Variants in ROCK1 observed in about 807,000 individuals in gnomAD.
ROCK1 encodes the protein rho-associated protein kinase 1.
In ROCK1, 36 loss-of-function variants were observed where a neutral mutation model predicts 196.8. That is an observed-to-expected ratio of 0.18 (90% CI 0.14 to 0.24). The LOEUF (loss-of-function observed/expected upper bound fraction) is 0.24, where lower values mean the gene tolerates loss of function less well. Among genes scored for constraint, ROCK1 ranks in the 10% least tolerant of loss-of-function variants. ROCK1 has a pLI of 1.00. For missense variants in ROCK1, 920 were observed against 1,562.0 expected (o/e 0.59, Z 6.93); for synonymous variants, 443 against 515.9 (o/e 0.86, Z 1.91).
At chr18:21,093,770 T>C (rs956120375) in intron 1 of ROCK1, among the ~76,000 whole-genome samples, 1 of 151,916 alleles carries the variant, frequency 6.6e-6, no homozygotes, top group Non-Finnish European at 1.5e-5. Flanking sequence ...TCCTGGCTAA[T>C]ATGGTGAAAC....
At chr18:21,108,916 C>A (rs1385060810) in intron 1 of ROCK1, among the ~76,000 whole-genome samples, 1 of 152,142 alleles carries the variant, frequency 6.6e-6, no homozygotes, top group Non-Finnish European at 1.5e-5. Flanking sequence ...CCAATCAAAT[C>A]CTCCACAATC....
At chr18:21,067,259 T>A (rs2036342643) in intron 2 of ROCK1, among the ~76,000 whole-genome samples, 1 of 152,214 alleles carries the variant, frequency 6.6e-6, no homozygotes, top group Non-Finnish European at 1.5e-5. Flanking sequence ...TTCCTACTTT[T>A]AAACTGAACT....
chr18:20,983,054 C>T (rs2035547474), intron 20 of ROCK1, among the ~76,000 whole-genome samples: 1 of 151,786 alleles, frequency 6.6e-6, no homozygotes, highest in South Asian at 2.1e-4. Flanking sequence ...GTAGTGAGAA[C>T]CCTTTTCTAC....
chr18:20,967,185 T>C, intron 26 of ROCK1, 109 bp from the exon 27 acceptor site: 1 of 718,914 alleles, frequency 1.4e-6, no homozygotes, highest in Non-Finnish European at 2.3e-6. Context: ...TACAGTAAAC[T>C]TCATGAATGT....
intron 1 of ROCK1, among the ~76,000 whole-genome samples, chr18:21,097,119 A>C (rs1370146988): frequency 2.0e-5 from 3 of 152,214 alleles, no homozygotes; most frequent in Non-Finnish European, 2.9e-5. Flanking sequence ...AATCCAGTAG[A>C]GCGCAGTCTA....
intron 27 of ROCK1, among the ~76,000 whole-genome samples, chr18:20,966,085 T>C (rs2035371701): frequency 1.3e-5 from 2 of 152,098 alleles, no homozygotes; most frequent in South Asian, 4.1e-4. Flanking sequence ...ATACACTAAT[T>C]AAAATCTATT....
intron 2 of ROCK1, among the ~76,000 whole-genome samples, chr18:21,063,552 A>G (rs567409410): frequency 6.6e-6 from 1 of 152,298 alleles, no homozygotes; most frequent in Admixed American, 6.5e-5. Flanking sequence ...GTAAGGAAAC[A>G]AGGAGGAGAG....
chr18:21,006,456 T>C lies in ROCK1; in HGVS notation c.1780A>G (p.Asn594Asp). ...TCTTTGTCTGTTTGTGACTTAGAAT[T>C]CTCTAAAATTCGATTTCTCTCTTGC... Reference protein sequence around the residue: ...ELQERNRILENSKSQTDKDYY... With the variant: ...ELQERNRILEDSKSQTDKDYY... Residue 594 changes from asparagine to aspartate, a missense_variant, in exon 16 of 33, where the codon AAT (asparagine) becomes GAT (aspartate). This residue lies in a region of ROCK1 where 520 missense variants were observed against 657.1 expected (regional missense o/e 0.79). Coordinates refer to ENST00000399799, the MANE Select transcript of ROCK1 (RefSeq NM_005406.3). 6.2e-7 allele frequency: 1 copy of C among 1,613,744 alleles called. No homozygotes were observed. The highest frequency in any genetic ancestry group is 8.5e-7 in the Non-Finnish European group (1 of 1,179,924).
intron 16 of ROCK1, 82 bp downstream of exon 16, chr18:21,006,269 G>T: frequency 9.5e-7 from 1 of 1,055,480 alleles, no homozygotes; most frequent in Admixed American, 2.4e-5. Context: ...TAATCCCACT[G>T]AACTGTATAT....
intron 9 of ROCK1, among the ~76,000 whole-genome samples, chr18:21,035,576 A>C (rs1006083428): frequency 3.3e-5 from 5 of 152,232 alleles, no homozygotes; most frequent in African/African-American, 1.2e-4. Context: ...GGGATATTAC[A>C]GAATATCCAT....
intron 14 of ROCK1, among the ~76,000 whole-genome samples, chr18:21,007,355 A>T (rs1467990953): frequency 2.0e-5 from 3 of 152,150 alleles, no homozygotes; most frequent in Non-Finnish European, 4.4e-5. Context: ...AACCGTATTT[A>T]AGGAGATGAT....
chr18:21,043,830 T>TAATATACC (rs1030120783), intron 6 of ROCK1, among the ~76,000 whole-genome samples: 28 of 152,104 alleles, frequency 1.8e-4, no homozygotes, highest in Non-Finnish European at 2.8e-4. Flanking sequence ...TAGTTACCAG[T>TAATATACC]AGTGTATATT....
intron 1 of ROCK1, among the ~76,000 whole-genome samples, chr18:21,082,352 T>C (rs7237099): frequency 0.16 from 24,123 of 152,066 alleles, 3,845 homozygotes; most frequent in African/African-American, 0.4. Context: ...AGCACTGCCC[T>C]GATAGCAAAA....
intron 19 of ROCK1, among the ~76,000 whole-genome samples, chr18:20,985,925 T>C (rs565394691): frequency 6.6e-6 from 1 of 152,300 alleles, no homozygotes; most frequent in African/African-American, 2.4e-5. Flanking sequence ...TGGAGCAATC[T>C]TGGCTCACTG....
chr18:21,021,041 A>G (rs2035908810), intron 11 of ROCK1, among the ~76,000 whole-genome samples: 1 of 152,242 alleles, frequency 6.6e-6, no homozygotes, highest in South Asian at 2.1e-4. Flanking sequence ...AAAGCAGTTC[A>G]GACAAGAGAA....
At chr18:20,982,905 A>C in intron 20 of ROCK1, 73 bp from the exon 21 acceptor site, 1 of 681,616 alleles carries the variant, frequency 1.5e-6, no homozygotes, top group South Asian at 1.8e-5. Flanking sequence ...TTAGTTTGTT[A>C]AAGTTGCTAA....
At chr18:21,033,143 G>A (rs1390922709) in intron 9 of ROCK1, among the ~76,000 whole-genome samples, 1 of 152,038 alleles carries the variant, frequency 6.6e-6, no homozygotes, top group African/African-American at 2.4e-5. Context: ...AATACAGTGA[G>A]CTAAGATCAT....
At chr18:21,049,949 T>C in intron 2 of ROCK1, 69 bp from the exon 3 acceptor site, 1 of 715,390 alleles carries the variant, frequency 1.4e-6, no homozygotes, top group Non-Finnish European at 2.2e-6. Flanking sequence ...TTATTTTACA[T>C]TCGAGTTCTT....
At chr18:20,997,729 G>A (rs979618001) in intron 16 of ROCK1, among the ~76,000 whole-genome samples, 8 of 151,982 alleles carry the variant, frequency 5.3e-5, no homozygotes, top group Non-Finnish European at 1.2e-4. Context: ...CAGACCATAT[G>A]TTACTCCACA....
Sources: allele counts gnomAD v4.1 joint callset (sites outside exome capture counted in the v4.1 genomes callset), GRCh38; gene constraint gnomAD v4.1.1; regional missense constraint gnomAD v4.1.1; transcripts MANE v1.5; gene names NCBI Gene and HGNC (gene_info 2026-07-23, HGNC 2026-07-21).